DOCK6: variants seen among roughly 807,000 people sequenced by gnomAD.
The protein encoded by DOCK6 is dedicator of cytokinesis protein 6.
Under a neutral mutation model 230.3 loss-of-function variants are expected in DOCK6, and 167 were observed. The observed-to-expected ratio is 0.73, with a 90% CI of 0.64 to 0.82. DOCK6 has a LOEUF of 0.82. Ranked by LOEUF, DOCK6 falls within the 40% of genes least tolerant of loss-of-function variation. DOCK6 has a pLI of 0.00. For synonymous variants in DOCK6, 1,148 were observed against 1,185.0 expected, an observed-to-expected ratio of 0.97 and a Z score of 0.64; for missense variants, 2,598 against 2,825.8, an observed-to-expected ratio of 0.92 and a Z score of 1.83.
In DOCK6 at chr19:11,237,724, T is replaced by C; in HGVS notation, c.1888A>G (p.Asn630Asp). The C allele has an allele frequency of 6.3e-7, 1 of 1,584,016 alleles. No individual in the cohort carries two copies. Among genetic ancestry groups the C allele is most frequent in the South Asian group, 1.2e-5 (1 of 86,386 alleles). ...TAGAAGGTGAACAGCAGGTGATGGT[T>C]CTCTGTCACGCAGGCTGGAAGATGC... ...KLHLPACVTE[N>D]HHLLFTFYHV... The change falls in exon 17 of 48, where the codon AAC becomes GAC. Residue 630 changes from asparagine (N) to aspartate (D), a missense_variant. By Grantham distance (23) the Asn-to-Asp change is conservative (BLOSUM62 1). Coordinates refer to ENST00000294618, the MANE Select transcript of DOCK6 (RefSeq NM_020812.4).
In DOCK6 at chr19:11,236,922, T is replaced by C. The variant is rs78327524; in HGVS notation, c.2074-43A>G. 105,597 of 1,529,394 alleles carry C rather than the reference T, an allele frequency of 0.069. 3,906 individuals carry two copies. Among genetic ancestry groups the C allele is most frequent in the Non-Finnish European group, 0.074 (84,282 of 1,133,024 alleles). 94.7% of individuals were successfully genotyped at this position (1,529,394 alleles called of 1,614,324 possible). On this transcript the variant is annotated intron_variant, in intron 18 of 47. Coordinates refer to ENST00000294618, the MANE Select transcript of DOCK6 (RefSeq NM_020812.4). The surrounding 1 kb of genome is among the most constrained non-coding windows in gnomAD (Gnocchi z 5.2). ...CAGGTGGGCACTGGTCAGCCCTCCCTGACTGATCAGGTCACCCAGCGGCCC... is the reference window on the plus strand; with the variant it reads ...CAGGTGGGCACTGGTCAGCCCTCCCCGACTGATCAGGTCACCCAGCGGCCC...
At chr19:11,204,869 C>G (rs906434498) in intron 39 of DOCK6, among the ~76,000 whole-genome samples, 1 of 152,156 alleles carries the variant, frequency 6.6e-6, no homozygotes, top group African/African-American at 2.4e-5. Flanking sequence ...CAAGAATATT[C>G]TATGGCACAG....
intron 30 of DOCK6, 193 bp from the exon 31 acceptor site, chr19:11,216,120 C>G (rs2079483118): frequency 4.0e-6 from 2 of 505,336 alleles, no homozygotes; most frequent in Non-Finnish European, 3.3e-6. Flanking sequence ...CAGAGTCTCT[C>G]TCATTCTGTC....
chr19:11,208,529 T>A, intron 39 of DOCK6, 157 bp downstream of exon 39: 2 of 1,060,266 alleles, frequency 1.9e-6, no homozygotes, highest in Non-Finnish European at 2.6e-6. Flanking sequence ...CCTGCCTGCC[T>A]CCGCCTCCCA....
chr19:11,213,590 T>C (rs1284384444), intron 34 of DOCK6, among the ~76,000 whole-genome samples: 1 of 151,616 alleles, frequency 6.6e-6, no homozygotes. Flanking sequence ...GAGCACACAG[T>C]AAGTGCTCAA....
intron 24 of DOCK6, among the ~76,000 whole-genome samples, chr19:11,227,080 C>G (rs2079677313): frequency 1.3e-5 from 2 of 152,238 alleles, no homozygotes; most frequent in Non-Finnish European, 2.9e-5. Context: ...CCCTTACTTT[C>G]TTCAAGTCTC....
In DOCK6 at chr19:11,200,965, C is replaced by T; in HGVS notation, c.5776G>A (p.Asp1926Asn). Reference protein sequence around the residue: ...LAFATEQDPPDAKMLQMVLQG... With the variant: ...LAFATEQDPPNAKMLQMVLQG... ...AGCACCATCTGTAGCATCTTAGCAT[C>T]TGGTGGGTCCTGCTCGGTGGCAAAG... Residue 1926 changes from aspartate (D) to asparagine (N), a missense_variant, in exon 45 of 48, where the codon GAT becomes AAT. Coordinates refer to ENST00000294618, the MANE Select transcript of DOCK6 (RefSeq NM_020812.4). This position sits in a 1 kb window ranked among gnomAD's most constrained non-coding sequence, Gnocchi z 4.3. 2.5e-6 allele frequency: 4 copies of T among 1,613,980 alleles called. No individual in the cohort carries two copies. Among genetic ancestry groups the T allele is most frequent in the Non-Finnish European group, 3.4e-6 (4 of 1,179,882 alleles).
chr19:11,222,479 A>G lies in DOCK6; in HGVS notation c.3241-231T>C, dbSNP rs2079595992. 6.6e-6 allele frequency among the ~76,000 whole-genome samples: 1 copy of G among 152,094 alleles called. No individual in the cohort carries two copies. Among genetic ancestry groups the G allele is most frequent in the Non-Finnish European group, 1.5e-5 (1 of 68,006 alleles). ...AGGGCACGGAGTCAAAAGTCAGAGG[A>G]CTGAGAAATAGCAGATGGAACACTG... On this transcript the variant is annotated intron_variant, in intron 26 of 47. Coordinates refer to ENST00000294618, the MANE Select transcript of DOCK6 (RefSeq NM_020812.4). The surrounding 1 kb of genome is among the most constrained non-coding windows in gnomAD (Gnocchi z 4.0).
chr19:11,204,459 C>T (rs2079224543), intron 39 of DOCK6, 128 bp from the exon 40 acceptor site: 3 of 1,287,790 alleles, frequency 2.3e-6, no homozygotes, highest in Admixed American at 5.3e-5. Flanking sequence ...AGGAAGCCCA[C>T]CCTGACCACC....
intron 32 of DOCK6, among the ~76,000 whole-genome samples, chr19:11,214,979 G>T: frequency 7.0e-6 from 1 of 143,630 alleles, no homozygotes; most frequent in African/African-American, 2.6e-5. Flanking sequence ...GTCTCGCTCT[G>T]TCACCCAGGC....
At chr19:11,219,480 A>T (rs1300415986) in intron 28 of DOCK6, among the ~76,000 whole-genome samples, 5 of 149,832 alleles carry the variant, frequency 3.3e-5, no homozygotes, top group Non-Finnish European at 7.4e-5. Context: ...GAGCCACTGC[A>T]CCCGGCTTAA....
intron 28 of DOCK6, among the ~76,000 whole-genome samples, chr19:11,220,483 G>A (rs1210854057): frequency 6.6e-6 from 1 of 152,200 alleles, no homozygotes; most frequent in Non-Finnish European, 1.5e-5. Context: ...TGATCAGCCT[G>A]TTATCCTATC....
At position 11,222,669 on chromosome 19, in the gene DOCK6, TAGG is replaced by T; in HGVS notation, c.3240+63_3240+65del. 2.7e-6 allele frequency: 4 copies of T among 1,456,436 alleles called. No homozygotes were observed. The highest frequency in any genetic ancestry group is 3.7e-6 in the Non-Finnish European group (4 of 1,078,410). The allele number at this position is 1,456,436 out of a possible 1,614,324, so 90.2% of individuals were successfully genotyped here. A position where few individuals can be genotyped will look rare whatever the true frequency, so the allele number is the denominator to read the frequency against. ...GAAAGGGACAGAGATGAGGGAACCA[TAGG>T]AGATGGACTGAAGGTGAGAGGTTGT... On this transcript the variant is annotated intron_variant, in intron 26 of 47. Coordinates refer to ENST00000294618, the MANE Select transcript of DOCK6 (RefSeq NM_020812.4). The surrounding 1 kb of genome is among the most constrained non-coding windows in gnomAD (Gnocchi z 4.0).
Position 11,243,965 on chromosome 19 carries a change from C to T in DOCK6, c.1024-83G>A, listed in dbSNP as rs1191741724. 7.0e-7 allele frequency: 1 copy of T among 1,431,148 alleles called. No homozygotes were observed. Among genetic ancestry groups the T allele is most frequent in the Non-Finnish European group, 9.6e-7 (1 of 1,037,980 alleles). The allele number at this position is 1,431,148 out of a possible 1,614,324, so 88.7% of individuals were successfully genotyped here. ...GCTGGCTCCCCAGCCTCCTGGACCC[C>T]TCATGGGCCCTCGGACACTCCTAAC... On this transcript the variant is annotated intron_variant, in intron 9 of 47. Coordinates refer to ENST00000294618, the MANE Select transcript of DOCK6 (RefSeq NM_020812.4). The surrounding 1 kb of genome is among the most constrained non-coding windows in gnomAD (Gnocchi z 6.3).
chr19:11,204,506 T>C (rs930048835), intron 39 of DOCK6, among the ~76,000 whole-genome samples, 175 bp from the exon 40 acceptor site: 3 of 151,932 alleles, frequency 2.0e-5, no homozygotes, highest in Admixed American at 6.6e-5. Context: ...TCCACTCAGC[T>C]CCCACAGAGG....
chr19:11,204,027 C>G, intron 41 of DOCK6, 54 bp downstream of exon 41: 3 of 1,548,216 alleles, frequency 1.9e-6, no homozygotes, highest in Non-Finnish European at 1.7e-6. Flanking sequence ...TGGCTGCTGG[C>G]CAGTCATCAC....
chr19:11,209,726 A>G (rs1600858357), intron 37 of DOCK6, among the ~76,000 whole-genome samples: 1 of 53,326 alleles, frequency 1.9e-5, no homozygotes, highest in African/African-American at 5.8e-5. Flanking sequence ...TCACCTGTCT[A>G]TCCCCTCACC....
rs558887356 is a variant in DOCK6 at position 11,243,004 on chromosome 19, T to C, written c.1480+55A>G. 1.9e-5 allele frequency: 30 copies of C among 1,598,780 alleles called. No individual in the cohort carries two copies. The highest frequency in any genetic ancestry group is 2.2e-5 in the Non-Finnish European group (26 of 1,169,606). On this transcript the variant is annotated intron_variant, in intron 13 of 47. Transcript: ENST00000294618. The surrounding 1 kb of genome is among the most constrained non-coding windows in gnomAD (Gnocchi z 6.3). ...CACAGTAGGTGCTCTCAGTGTAGGT[T>C]TGTTGAGTGGCTGAGTGAGAGTGAT...
chr19:11,243,437 A>T lies in DOCK6; in HGVS notation c.1259-52T>A. The T allele has an allele frequency of 6.3e-7, 1 of 1,577,204 alleles. No homozygotes were observed. The highest frequency in any genetic ancestry group is 1.2e-5 in the South Asian group (1 of 86,886). On this transcript the variant is annotated intron_variant, in intron 11 of 47. Transcript: ENST00000294618. This position sits in a 1 kb window ranked among gnomAD's most constrained non-coding sequence, Gnocchi z 6.3. The stretch of plus-strand genomic sequence containing the variant: ...AGGGGGACCAAGATGAAACAGGGAG[A>T]CTCAGGGGCGGCACAGTTCGGCCAG...
Sources: allele counts gnomAD v4.1 joint callset (sites outside exome capture counted in the v4.1 genomes callset), GRCh38; gene constraint gnomAD v4.1.1; non-coding constraint Gnocchi (gnomAD v3.1); transcripts MANE v1.5; gene names NCBI Gene and HGNC (gene_info 2026-07-23, HGNC 2026-07-21).